Variants in PPARGC1A observed in about 807,000 individuals in gnomAD.
PPARGC1A encodes peroxisome proliferator-activated receptor gamma coactivator 1-alpha.
Under a neutral mutation model 88.7 loss-of-function variants are expected in PPARGC1A, and 25 were observed. The ratio of observed to expected loss-of-function variants is 0.28; its 90% CI spans 0.21 to 0.39. PPARGC1A has a LOEUF of 0.39. Among genes scored for constraint, PPARGC1A ranks in the 10% least tolerant of loss-of-function variants. The probability of loss-of-function intolerance (pLI) is 1.00; values close to 1 mark genes in which losing one functional copy is unlikely to be tolerated. For missense variants in PPARGC1A, 880 were observed against 968.7 expected, an observed-to-expected ratio of 0.91 and a Z score of 1.22; for synonymous variants, 363 against 355.6, an observed-to-expected ratio of 1.02 and a Z score of -0.24.
the PPARGC1A span, among the ~76,000 whole-genome samples, chr4:23,950,066 C>T: frequency 3.9e-5 from 6 of 152,116 alleles, no homozygotes; most frequent in Non-Finnish European, 8.8e-5. Flanking sequence ...CTTAGAAAGG[C>T]AGATAGGAAA....
the PPARGC1A span, among the ~76,000 whole-genome samples, chr4:24,070,433 C>T: frequency 6.6e-6 from 1 of 152,154 alleles, no homozygotes; most frequent in Non-Finnish European, 1.5e-5. Context: ...TTGTCTCATC[C>T]ACTAGAATGC....
chr4:24,151,092 T>C, the PPARGC1A span, among the ~76,000 whole-genome samples: 1 of 152,226 alleles, frequency 6.6e-6, no homozygotes, highest in African/African-American at 2.4e-5. Context: ...TGCCTCTAAA[T>C]TCTTATTGCC....
the PPARGC1A span, among the ~76,000 whole-genome samples, chr4:24,098,844 A>T: frequency 2.0e-5 from 3 of 152,238 alleles, no homozygotes; most frequent in African/African-American, 7.2e-5. Context: ...AAAATAATGT[A>T]ATAAAAAACA....
chr4:24,282,529 G>A, the PPARGC1A span, among the ~76,000 whole-genome samples: 35 of 152,340 alleles, frequency 2.3e-4, no homozygotes, highest in Non-Finnish European at 4.7e-4. Context: ...CCATCAGAAC[G>A]TGTCACTGAT....
intron 2 of PPARGC1A, among the ~76,000 whole-genome samples, chr4:23,850,763 A>G (rs1729139812): frequency 6.6e-6 from 1 of 152,110 alleles, no homozygotes; most frequent in African/African-American, 2.4e-5. Context: ...TCACCTTTTT[A>G]CGTATGAGAA....
the PPARGC1A span, among the ~76,000 whole-genome samples, chr4:23,923,169 C>T: frequency 6.7e-6 from 1 of 149,368 alleles, no homozygotes; most frequent in Non-Finnish European, 1.5e-5. Context: ...GGCTCCTTAC[C>T]TCTAACAACT....
the PPARGC1A span, among the ~76,000 whole-genome samples, chr4:24,380,360 G>A: frequency 6.6e-6 from 1 of 152,156 alleles, no homozygotes; most frequent in Non-Finnish European, 1.5e-5. Context: ...AGAAACAACA[G>A]AGAGCTTGAA....
intron 2 of PPARGC1A, among the ~76,000 whole-genome samples, chr4:23,834,465 G>A (rs1318756712): frequency 6.8e-6 from 1 of 146,218 alleles, no homozygotes; most frequent in Non-Finnish European, 1.5e-5. Context: ...CTCCAGTATG[G>A]GTGACAGAGG....
chr4:24,210,098 A>G, the PPARGC1A span, among the ~76,000 whole-genome samples: 1 of 152,000 alleles, frequency 6.6e-6, no homozygotes, highest in Non-Finnish European at 1.5e-5. Context: ...CACCTCCTTC[A>G]CCCTCTCCTC....
the PPARGC1A span, among the ~76,000 whole-genome samples, chr4:24,327,010 C>G: frequency 6.6e-6 from 1 of 152,168 alleles, no homozygotes; most frequent in African/African-American, 2.4e-5. Flanking sequence ...TTAGTCAAAT[C>G]AGCCAAGCAT....
chr4:23,890,176 G>C (rs1717613749), upstream of PPARGC1A: 1 of 938,968 alleles, frequency 1.1e-6, no homozygotes, highest in Non-Finnish European at 1.4e-6. Context: ...AACTCGTGAC[G>C]TCACTCAAAG....
chr4:24,317,492 A>C, the PPARGC1A span, among the ~76,000 whole-genome samples: 1 of 146,460 alleles, frequency 6.8e-6, no homozygotes, highest in Non-Finnish European at 1.5e-5. Flanking sequence ...TTGGGATGAA[A>C]GAATGGAAGT....
the PPARGC1A span, among the ~76,000 whole-genome samples, chr4:24,180,486 A>C: frequency 6.6e-6 from 1 of 152,294 alleles, no homozygotes; most frequent in Middle Eastern, 3.4e-3. Flanking sequence ...TCTCTGATTA[A>C]CTTCAACTCT....
chr4:23,852,688 A>G, intron 2 of PPARGC1A, among the ~76,000 whole-genome samples: 1 of 152,264 alleles, frequency 6.6e-6, no homozygotes, highest in East Asian at 1.9e-4. Context: ...CTCTTCTCCC[A>G]TGAAATATTG....
At chr4:23,838,791 T>G (rs1358618472) in intron 2 of PPARGC1A, among the ~76,000 whole-genome samples, 11 of 152,190 alleles carry the variant, frequency 7.2e-5, no homozygotes, top group Non-Finnish European at 1.3e-4. Flanking sequence ...AATATGTCTG[T>G]CCATATCACA....
intron 10 of PPARGC1A, among the ~76,000 whole-genome samples, chr4:23,812,499 G>A (rs1721103508): frequency 6.6e-6 from 1 of 152,060 alleles, no homozygotes; most frequent in South Asian, 2.1e-4. Context: ...AAAACAGAAG[G>A]TGAAAACAGT....
At chr4:24,086,264 C>G in the PPARGC1A span, among the ~76,000 whole-genome samples, 2 of 152,172 alleles carry the variant, frequency 1.3e-5, no homozygotes, top group Non-Finnish European at 2.9e-5. Flanking sequence ...CCACTTATAT[C>G]TACTGCCAGC....
chr4:24,129,824 T>G, the PPARGC1A span, among the ~76,000 whole-genome samples: 1 of 152,094 alleles, frequency 6.6e-6, no homozygotes, highest in Non-Finnish European at 1.5e-5. Flanking sequence ...CCATAAAAAA[T>G]GATGAGTTCA....
chr4:23,919,246 T>C, the PPARGC1A span, among the ~76,000 whole-genome samples: 2 of 152,192 alleles, frequency 1.3e-5, no homozygotes, highest in Non-Finnish European at 2.9e-5. Flanking sequence ...ATGTTTATAC[T>C]AGTCCTTATA....
Sources: gnomAD v4.1 joint callset for allele counts (sites outside exome capture counted in the v4.1 genomes callset) on GRCh38, gnomAD v4.1.1 for gene constraint, MANE v1.5 for transcripts, NCBI Gene and HGNC (gene_info 2026-07-23, HGNC 2026-07-21) for gene names.